USP44: variants seen among roughly 807,000 people sequenced by gnomAD.
The protein encoded by USP44 is ubiquitin carboxyl-terminal hydrolase 44.
In USP44, 61 loss-of-function variants were observed where a neutral mutation model predicts 69.0. The ratio of observed to expected loss-of-function variants is 0.88; its 90% CI spans 0.72 to 1.09. The LOEUF (loss-of-function observed/expected upper bound fraction) is 1.09. USP44 is among the 50% of genes least tolerant of loss of function. The pLI is 0.00. For synonymous variants in USP44, 297 were observed against 295.4 expected (o/e 1.01, Z -0.06); for missense variants, 753 against 849.9 (o/e 0.89, Z 1.42).
chr12:95,541,341 A>G (rs2077383206), intron 1 of USP44, among the ~76,000 whole-genome samples: 1 of 152,174 alleles, frequency 6.6e-6, no homozygotes. Flanking sequence ...ACAAAGTCCT[A>G]GCAATTTGGG....
chr12:95,528,945 A>C lies in USP44; in HGVS notation c.1486T>G (p.Ser496Ala), dbSNP rs1292119849. ...SNTIEPFWDL[S>A]LEFPERYQCS... is the part of the protein sequence containing the mutation. ...TGATACCTTTCTGGAAACTCCAATG[A>C]CAAGTCCCAGAAAGGTTCTATGGTA... Residue 496 changes from serine to alanine, a missense_variant, in exon 3 of 6, where the codon TCA (serine) becomes GCA (alanine). Transcript: ENST00000258499. 1 of 1,613,898 alleles carries C rather than the reference A, an allele frequency of 6.2e-7. No individual in the cohort carries two copies. Among genetic ancestry groups the C allele is most frequent in the Non-Finnish European group, 8.5e-7 (1 of 1,179,986 alleles).
At position 95,532,882 on chromosome 12, in the gene USP44, T is replaced by C; in HGVS notation, c.1375A>G (p.Lys459Glu). ...TTATTTACAACATTCAGAACTTGTT[T>C]GATGAGTTTCCTTTGAGAAGTGGGG... ...LIPTSQRKLI[K>E]QVLNVVNNIF... The change falls in exon 2 of 6, where the codon AAA becomes GAA. Residue 459 changes from lysine to glutamate, a missense_variant. Physicochemically the swap from Lys to Glu is moderately conservative, Grantham distance 56. Coordinates refer to ENST00000258499, the MANE Select transcript of USP44 (RefSeq NM_032147.5). 2 of 1,609,574 alleles carry C rather than the reference T, an allele frequency of 1.2e-6. No homozygotes were observed. The highest frequency in any genetic ancestry group is 1.7e-6 in the Non-Finnish European group (2 of 1,178,662).
At chr12:95,530,965 C>A (rs1483150136) in intron 2 of USP44, among the ~76,000 whole-genome samples, 1 of 152,078 alleles carries the variant, frequency 6.6e-6, no homozygotes, top group Non-Finnish European at 1.5e-5. Flanking sequence ...GAGATCGAGA[C>A]CATCCTGGCT....
At chr12:95,536,199 C>T (rs111650863) in intron 1 of USP44, among the ~76,000 whole-genome samples, 2,796 of 151,970 alleles carry the variant, frequency 0.018, 35 homozygotes, top group Non-Finnish European at 0.026. Context: ...TGTGCCATTA[C>T]GCCTGGCTAA....
intron 1 of USP44, among the ~76,000 whole-genome samples, chr12:95,537,152 G>A (rs1467216623): frequency 1.3e-5 from 2 of 152,120 alleles, no homozygotes; most frequent in Non-Finnish European, 2.9e-5. Flanking sequence ...GAAGAAGGGG[G>A]CAGAGGTAGA....
rs144795900 is a variant in USP44, at chr12:95,536,013, CAT to C, written c.-70-1689_-70-1688del. On this transcript the variant is annotated intron_variant, in intron 1 of 5. Coordinates refer to ENST00000258499, the MANE Select transcript of USP44 (RefSeq NM_032147.5). ...ACCAGTCCCAAATCTCACATGTTCA[CAT>C]GTTTCTTTCTTTCCTTTTTTTTCCT... Among the ~76,000 whole-genome samples, 1,357 of 147,342 alleles carry C rather than the reference CAT, an allele frequency of 9.2e-3. 22 individuals carry two copies. Among genetic ancestry groups the C allele is most frequent in the African/African-American group, 0.032 (1,273 of 40,214 alleles).
intron 1 of USP44, chr12:95,535,523 A>T (rs754228026): frequency 6.6e-5 from 10 of 152,198 alleles, no homozygotes; most frequent in Non-Finnish European, 1.3e-4. Flanking sequence ...AAGGAAGAAT[A>T]TGAAGTGGGT....
At chr12:95,540,916 T>C (rs2077365693) in intron 1 of USP44, among the ~76,000 whole-genome samples, 1 of 152,180 alleles carries the variant, frequency 6.6e-6, no homozygotes. Flanking sequence ...GCAAAACATA[T>C]TCATTACACA....
Position 95,517,455 on chromosome 12 carries a change from T to A in USP44, c.*699A>T, listed in dbSNP as rs2076509286. ...TATTAGACTTCTGGACAAACCTGTT[T>A]GCTGCCAGACAAAAATCATAAATCC... is the stretch of plus-strand genomic sequence containing the variant. On this transcript the variant is annotated 3_prime_UTR_variant, in exon 6 of 6. Coordinates refer to ENST00000258499, the MANE Select transcript of USP44 (RefSeq NM_032147.5). The A allele has an allele frequency of 6.6e-6, 1 of 151,736 alleles. No individual in the cohort carries two copies. Among genetic ancestry groups the A allele is most frequent in the Non-Finnish European group, 1.5e-5 (1 of 67,968 alleles). The allele number at this position is 151,736 out of a possible 1,614,324, so 9.4% of individuals were successfully genotyped here.
Position 95,518,147 on chromosome 12 carries a change from C to T in USP44, c.*7G>A. The T allele has an allele frequency of 6.2e-7, 1 of 1,613,986 alleles. No homozygotes were observed. The highest frequency in any genetic ancestry group is 8.5e-7 in the Non-Finnish European group (1 of 1,179,952). On this transcript the variant is annotated 3_prime_UTR_variant, in exon 6 of 6. Transcript: ENST00000258499. ...AATCACAGGAAGAAAACCCCATTGTCTTTGGATCAGCTAAGGATTTCATTA... is the reference window on the plus strand; with the variant it reads ...AATCACAGGAAGAAAACCCCATTGTTTTTGGATCAGCTAAGGATTTCATTA...
rs1362088229 is a variant in USP44 at position 95,548,163 on chromosome 12, C to G, written c.-71+3109G>C. ...AGGTGCCGGCAGCGCGGGGACCGAT[C>G]GATGGAGAGAAGGCGGGCAAGACGC... On this transcript the variant is annotated intron_variant, in intron 1 of 5. Coordinates refer to ENST00000258499, the MANE Select transcript of USP44 (RefSeq NM_032147.5). The surrounding 1 kb of genome is among the most constrained non-coding windows in gnomAD (Gnocchi z 4.1). 1 of 152,208 alleles carries G rather than the reference C, an allele frequency of 6.6e-6. No homozygotes were observed. Among genetic ancestry groups the G allele is most frequent in the African/African-American group, 2.4e-5 (1 of 41,444 alleles). 9.4% of individuals were successfully genotyped at this position (152,208 alleles called of 1,614,324 possible). A position where few individuals can be genotyped will look rare whatever the true frequency, so the allele number is the denominator to read the frequency against.
intron 1 of USP44, among the ~76,000 whole-genome samples, chr12:95,537,450 C>T (rs917954167): frequency 6.6e-6 from 1 of 152,102 alleles, no homozygotes; most frequent in Non-Finnish European, 1.5e-5. Flanking sequence ...TCCCGAGTAG[C>T]TGGGATTACA....
chr12:95,544,749 T>C (rs2077517789), intron 1 of USP44, among the ~76,000 whole-genome samples: 1 of 152,162 alleles, frequency 6.6e-6, no homozygotes, highest in African/African-American at 2.4e-5. Flanking sequence ...AAAAAAAGAA[T>C]TAATCTATAT....
In USP44 at chr12:95,522,012, A is replaced by G. The variant is rs186368760; in HGVS notation, c.1734-810T>C. The G allele has an allele frequency of 4.1e-6, 4 of 984,478 alleles. No individual in the cohort carries two copies. The African/African-American group carries it at 7.0e-5, about 17-fold the overall frequency. 61.0% of individuals were successfully genotyped at this position (984,478 alleles called of 1,614,324 possible). ...ACCGCCCATTGGTGACAGAACTGAA[A>G]GAATGCCCTTACCCTGTTATTTTCT... On this transcript the variant is annotated intron_variant, in intron 4 of 5. Transcript: ENST00000258499.
intron 1 of USP44, among the ~76,000 whole-genome samples, chr12:95,550,858 C>G (rs971207293): frequency 3.9e-5 from 6 of 152,022 alleles, no homozygotes; most frequent in Non-Finnish European, 8.8e-5. Flanking sequence ...AATAAAATGC[C>G]TTAATACAAT....
intron 1 of USP44, among the ~76,000 whole-genome samples, chr12:95,540,342 C>CTTTTTTT (rs61446138): frequency 7.7e-6 from 1 of 130,144 alleles, no homozygotes; most frequent in African/African-American, 2.9e-5. Flanking sequence ...TTCCATCCAT[C>CTTTTTTT]TTTTTTTTTT....
rs1395733323 is a variant in USP44 at position 95,548,911 on chromosome 12, G to C, written c.-71+2361C>G. The C allele has an allele frequency of 1.3e-5, 2 of 152,012 alleles. No homozygotes were observed. Among genetic ancestry groups the C allele is most frequent in the Admixed American group, 6.5e-5 (1 of 15,276 alleles). The allele number at this position is 152,012 out of a possible 1,614,324, so 9.4% of individuals were successfully genotyped here. On this transcript the variant is annotated intron_variant, in intron 1 of 5. Coordinates refer to ENST00000258499, the MANE Select transcript of USP44 (RefSeq NM_032147.5). This position sits in a 1 kb window ranked among gnomAD's most constrained non-coding sequence, Gnocchi z 4.1. Reference sequence around the variant, plus strand: ...CCCCCTCCCACAGCCCCACCCCTGCGCCGGCTCTTCGCGGGCACCGAGAAC... The same window carrying C: ...CCCCCTCCCACAGCCCCACCCCTGCCCCGGCTCTTCGCGGGCACCGAGAAC...
chr12:95,549,903 G>C (rs1343414469), intron 1 of USP44, among the ~76,000 whole-genome samples: 1 of 152,180 alleles, frequency 6.6e-6, no homozygotes, highest in Non-Finnish European at 1.5e-5. Context: ...TAGAGGCCGG[G>C]CGCAGTGGCT....
rs1278356513 is a variant in USP44 at position 95,521,985 on chromosome 12, C to T, written c.1734-783G>A. 13 of 954,520 alleles carry T rather than the reference C, an allele frequency of 1.4e-5. No individual in the cohort carries two copies. The East Asian group carries it at 1.4e-3, about 102-fold the overall frequency. 59.1% of individuals were successfully genotyped at this position (954,520 alleles called of 1,614,324 possible). On this transcript the variant is annotated intron_variant, in intron 4 of 5. Coordinates refer to ENST00000258499, the MANE Select transcript of USP44 (RefSeq NM_032147.5). Reference sequence around the variant, plus strand: ...TCCCCTCGCTGTGTGTAAGTCAGCACAACCGCCCATTGGTGACAGAACTGA... The same window carrying T: ...TCCCCTCGCTGTGTGTAAGTCAGCATAACCGCCCATTGGTGACAGAACTGA...
Sources: gnomAD v4.1 joint callset for allele counts (sites outside exome capture counted in the v4.1 genomes callset) on GRCh38, gnomAD v4.1.1 for gene constraint, Gnocchi (gnomAD v3.1) non-coding constraint, MANE v1.5 for transcripts, NCBI Gene and HGNC (gene_info 2026-07-23, HGNC 2026-07-21) for gene names.